FAT3: variants seen among roughly 807,000 people sequenced by gnomAD.
FAT3 encodes FAT atypical cadherin 3.
A neutral mutation model predicts 310.2 loss-of-function variants in FAT3; 95 were observed. The ratio of observed to expected loss-of-function variants is 0.31; its 90% CI spans 0.26 to 0.36. The LOEUF (loss-of-function observed/expected upper bound fraction) is 0.36, where lower values mean the gene tolerates loss of function less well. Among genes scored for constraint, FAT3 ranks in the 10% least tolerant of loss-of-function variants. The pLI is 1.00. For synonymous variants in FAT3, 2,314 were observed against 2,192.9 expected, an observed-to-expected ratio of 1.06 and a Z score of -1.54; for missense variants, 5,408 against 5,715.6, an observed-to-expected ratio of 0.95 and a Z score of 1.74.
chr11:92,826,940 C>A (rs1185754236), intron 13 of FAT3, among the ~76,000 whole-genome samples: 2 of 152,170 alleles, frequency 1.3e-5, no homozygotes, highest in Non-Finnish European at 2.9e-5. Flanking sequence ...GGATCCTGAT[C>A]TTAGGAGGAG....
intron 2 of FAT3, among the ~76,000 whole-genome samples, chr11:92,409,952 T>C (rs1950217180): frequency 6.6e-6 from 1 of 152,162 alleles, no homozygotes; most frequent in Non-Finnish European, 1.5e-5. Context: ...CCTGATGTGT[T>C]GGGTTTTTTT....
chr11:92,731,687 G>C (rs1305573604), intron 4 of FAT3, among the ~76,000 whole-genome samples: 1 of 137,770 alleles, frequency 7.3e-6, no homozygotes, highest in African/African-American at 2.8e-5. Flanking sequence ...TGAGGCCTTA[G>C]GTTCATTCTC....
Position 92,799,653 on chromosome 11 carries a change from G to A in FAT3, c.6640G>A (p.Glu2214Lys). 1 of 1,613,704 alleles carries A rather than the reference G, an allele frequency of 6.2e-7. No homozygotes were observed. ...CCTAAGCATCAATGCCACCAGTCCA[G>A]AAGGCCAAGGCATCATATATATCAT... ...PILSINATSP[E>K]GQGIIYIIID... is the part of the protein sequence containing the mutation. The change falls in exon 10 of 28, where the codon GAA becomes AAA. Residue 2214 changes from glutamate to lysine, a missense_variant. Coordinates refer to ENST00000525166, the MANE Select transcript of FAT3 (RefSeq NM_001367949.2).
intron 9 of FAT3, among the ~76,000 whole-genome samples, chr11:92,795,489 C>T (rs1235774218): frequency 4.6e-5 from 7 of 151,846 alleles, no homozygotes; most frequent in Non-Finnish European, 1.0e-4. Context: ...AAGTGGATTC[C>T]AAGAGAATGG....
intron 1 of FAT3, among the ~76,000 whole-genome samples, chr11:92,335,545 C>A (rs989033062): frequency 6.6e-6 from 1 of 152,086 alleles, no homozygotes; most frequent in Non-Finnish European, 1.5e-5. Context: ...ATATAAAAAA[C>A]CTTAAAAGTA....
chr11:92,813,994 A>T (rs1403901474), intron 13 of FAT3, among the ~76,000 whole-genome samples: 2 of 152,198 alleles, frequency 1.3e-5, no homozygotes, highest in Non-Finnish European at 2.9e-5. Context: ...CCCTTATAAA[A>T]GAGGCTTCAG....
intron 2 of FAT3, among the ~76,000 whole-genome samples, chr11:92,434,612 G>T (rs551036727): frequency 6.6e-6 from 1 of 152,228 alleles, no homozygotes; most frequent in East Asian, 1.9e-4. Context: ...TCTAGAGCAG[G>T]CAGATCTCAA....
chr11:92,614,106 C>A (rs1791572), intron 3 of FAT3, among the ~76,000 whole-genome samples: 5 of 151,990 alleles, frequency 3.3e-5, no homozygotes, highest in African/African-American at 1.2e-4. Context: ...AATAATATTC[C>A]ATGGTATAGA....
chr11:92,706,042 G>A (rs2135936402), intron 4 of FAT3, among the ~76,000 whole-genome samples: 1 of 151,724 alleles, frequency 6.6e-6, no homozygotes, highest in Non-Finnish European at 1.5e-5. Context: ...GGTGGCAGTG[G>A]TGATGATGGA....
At chr11:92,865,178 T>G (rs2136342164) in intron 21 of FAT3, among the ~76,000 whole-genome samples, 1 of 152,302 alleles carries the variant, frequency 6.6e-6, no homozygotes, top group South Asian at 2.1e-4. Flanking sequence ...CCTACGAAAT[T>G]TTATGCAGGA....
At chr11:92,819,598 A>G (rs910379993) in intron 13 of FAT3, among the ~76,000 whole-genome samples, 2 of 152,224 alleles carry the variant, frequency 1.3e-5, no homozygotes, top group African/African-American at 4.8e-5. Flanking sequence ...AATATTTTAC[A>G]TCTCATAAAA....
At chr11:92,836,306 A>G (rs1948406572) in intron 15 of FAT3, among the ~76,000 whole-genome samples, 1 of 152,238 alleles carries the variant, frequency 6.6e-6, no homozygotes, top group South Asian at 2.1e-4. Context: ...ACCCTGAGGA[A>G]AATCAGGCCT....
intron 1 of FAT3, among the ~76,000 whole-genome samples, chr11:92,344,353 T>G (rs1948353687): frequency 6.6e-6 from 1 of 152,210 alleles, no homozygotes; most frequent in African/African-American, 2.4e-5. Flanking sequence ...AATCCTCCCT[T>G]TGTCCAGCGT....
intron 3 of FAT3, among the ~76,000 whole-genome samples, chr11:92,540,133 C>T (rs1331566448): frequency 2.0e-5 from 3 of 152,180 alleles, no homozygotes; most frequent in Non-Finnish European, 4.4e-5. Context: ...GCTCAGCTTG[C>T]CAGCATACAC....
At chr11:92,233,408 G>A (rs925533042) in intron 1 of FAT3, among the ~76,000 whole-genome samples, 4 of 152,128 alleles carry the variant, frequency 2.6e-5, no homozygotes, top group African/African-American at 7.2e-5. Context: ...CGTTTTGGTG[G>A]CATGTGCTGG....
At chr11:92,370,193 T>C (rs1399517841) in intron 2 of FAT3, among the ~76,000 whole-genome samples, 1 of 152,098 alleles carries the variant, frequency 6.6e-6, no homozygotes, top group African/African-American at 2.4e-5. Context: ...ATCTAACTTA[T>C]AATCTCTATA....
At chr11:92,318,095 C>T (rs1045415419) in intron 1 of FAT3, among the ~76,000 whole-genome samples, 1 of 152,112 alleles carries the variant, frequency 6.6e-6, no homozygotes. Context: ...TTTGCAGACT[C>T]CAACTCCATG....
At chr11:92,841,967 C>T (rs1209821411) in intron 18 of FAT3, among the ~76,000 whole-genome samples, 2 of 152,154 alleles carry the variant, frequency 1.3e-5, no homozygotes, top group Non-Finnish European at 2.9e-5. Flanking sequence ...CATCATTTCC[C>T]TTAGTCAGGG....
rs148288627 is a variant in FAT3 at position 92,540,700 on chromosome 11, G to T, written c.3607+15752G>T. ...ACCTTCAAAGTAGTGTTCATGCTTG[G>T]TGCCCTTGTGCCTTGAGTCCTAAAG... On this transcript the variant is annotated intron_variant, in intron 3 of 27. Coordinates refer to ENST00000525166, the MANE Select transcript of FAT3 (RefSeq NM_001367949.2). 1.9e-3 allele frequency among the ~76,000 whole-genome samples: 286 copies of T among 152,110 alleles called. 2 individuals are homozygous for T. The highest frequency in any genetic ancestry group is 6.6e-3 in the African/African-American group (274 of 41,498).
Sources: gnomAD v4.1 joint callset for allele counts (sites outside exome capture counted in the v4.1 genomes callset) on GRCh38, gnomAD v4.1.1 for gene constraint, MANE v1.5 for transcripts, NCBI Gene and HGNC (gene_info 2026-07-23, HGNC 2026-07-21) for gene names.